Variants in SLCO2A1 observed in about 807,000 individuals in gnomAD.
The protein encoded by SLCO2A1 is solute carrier organic anion transporter family member 2A1, also known as matrin F/G 1.
Under a neutral mutation model 71.7 loss-of-function variants are expected in SLCO2A1, and 60 were observed. The observed-to-expected ratio is 0.84, with a 90% CI of 0.68 to 1.04. The LOEUF (loss-of-function observed/expected upper bound fraction) is 1.04. Among genes scored for constraint, SLCO2A1 ranks in the 50% least tolerant of loss-of-function variants. The pLI is 0.00. For synonymous variants in SLCO2A1, 308 were observed against 326.7 expected (o/e 0.94, Z 0.62); for missense variants, 745 against 813.4 (o/e 0.92, Z 1.02).
chr3:133,982,228 A>G (rs1934611338), intron 1 of SLCO2A1, among the ~76,000 whole-genome samples: 1 of 152,180 alleles, frequency 6.6e-6, no homozygotes, highest in Non-Finnish European at 1.5e-5. Flanking sequence ...CAGACCTGGG[A>G]AAGAGACAAT....
At chr3:134,000,129 G>A (rs1935073919) in intron 1 of SLCO2A1, among the ~76,000 whole-genome samples, 1 of 152,218 alleles carries the variant, frequency 6.6e-6, no homozygotes, top group African/African-American at 2.4e-5. Context: ...GCATATCTGA[G>A]TCCAAGAGAA....
chr3:133,951,311 C>T lies in SLCO2A1; in HGVS notation c.758G>A (p.Trp253Ter). ...CAGGCCTAGCCACCAGGCTCCAATC[C>T]ATCGGGGGTCACCCGGGACCAAGTT... is the stretch of plus-strand genomic sequence containing the variant. ...AVNLVPGDPR[W>*]IGAWWLGLLI... Residue 253 changes from tryptophan (W) to a stop codon, truncating the protein, a stop_gained, in exon 6 of 14, where the codon TGG becomes TAG. Transcript: ENST00000310926. LOFTEE classifies it high-confidence loss of function. The T allele has an allele frequency of 3.7e-6, 6 of 1,614,150 alleles. No homozygotes were observed. Among genetic ancestry groups the T allele is most frequent in the Non-Finnish European group, 5.1e-6 (6 of 1,180,024 alleles).
intron 1 of SLCO2A1, among the ~76,000 whole-genome samples, chr3:134,008,117 G>A (rs1385509892): frequency 6.6e-6 from 1 of 152,182 alleles, no homozygotes; most frequent in African/African-American, 2.4e-5. Flanking sequence ...CCCATACGGA[G>A]GTTCTGTATG....
intron 1 of SLCO2A1, among the ~76,000 whole-genome samples, chr3:134,028,579 T>C (rs1467575613): frequency 2.0e-5 from 3 of 152,214 alleles, no homozygotes; most frequent in African/African-American, 2.4e-5. Context: ...TCCAGATCCC[T>C]TTCTGTTGGA....
chr3:134,021,065 T>C (rs1935564955), intron 1 of SLCO2A1, among the ~76,000 whole-genome samples: 1 of 152,226 alleles, frequency 6.6e-6, no homozygotes, highest in Non-Finnish European at 1.5e-5. Context: ...TTGGATTGCT[T>C]GATACTTTGG....
chr3:134,011,478 A>G (rs1935345256), intron 1 of SLCO2A1, among the ~76,000 whole-genome samples: 1 of 152,228 alleles, frequency 6.6e-6, no homozygotes, highest in African/African-American at 2.4e-5. Context: ...CAGCGTCCTG[A>G]TATCAAGGGC....
chr3:133,989,770 C>A (rs933704680), intron 1 of SLCO2A1, among the ~76,000 whole-genome samples: 1 of 152,202 alleles, frequency 6.6e-6, no homozygotes, highest in African/African-American at 2.4e-5. Context: ...CAAAATAATA[C>A]ACTTGTTCTG....
At chr3:134,006,347 C>T (rs1054956111) in intron 1 of SLCO2A1, among the ~76,000 whole-genome samples, 2 of 152,224 alleles carry the variant, frequency 1.3e-5, no homozygotes, top group Non-Finnish European at 2.9e-5. Flanking sequence ...CCACCACTGC[C>T]TAGCCTATCT....
intron 3 of SLCO2A1, among the ~76,000 whole-genome samples, chr3:133,970,534 A>C (rs1293105262): frequency 6.6e-6 from 1 of 152,258 alleles, no homozygotes; most frequent in East Asian, 1.9e-4. Context: ...AGACTTTATA[A>C]ATATTTTTAT....
intron 9 of SLCO2A1, among the ~76,000 whole-genome samples, 165 bp from the exon 10 acceptor site, chr3:133,945,425 A>G (rs915077640): frequency 6.6e-6 from 1 of 152,164 alleles, no homozygotes; most frequent in African/African-American, 2.4e-5. Context: ...TGGAGCCAAC[A>G]GTGAATTTGC....
At chr3:133,948,372 G>T (rs1162095119) in intron 8 of SLCO2A1, among the ~76,000 whole-genome samples, 164 bp downstream of exon 8, 1 of 152,212 alleles carries the variant, frequency 6.6e-6, no homozygotes, top group African/African-American at 2.4e-5. Flanking sequence ...TTTCTAGATT[G>T]CCAACCAGGA....
chr3:133,994,076 G>A (rs1483633306), intron 1 of SLCO2A1, among the ~76,000 whole-genome samples: 4 of 152,032 alleles, frequency 2.6e-5, no homozygotes, highest in Non-Finnish European at 5.9e-5. Flanking sequence ...AGGGAAGCAT[G>A]GGGGGCATTT....
At chr3:133,995,300 C>T (rs1004884563) in intron 1 of SLCO2A1, among the ~76,000 whole-genome samples, 2 of 152,144 alleles carry the variant, frequency 1.3e-5, no homozygotes, top group African/African-American at 2.4e-5. Flanking sequence ...TGTAAAAACC[C>T]TCCAATGGAT....
At position 134,017,314 on chromosome 3, in the gene SLCO2A1, T is replaced by C. The variant is rs1329313928; in HGVS notation, c.96+12393A>G. On this transcript the variant is annotated intron_variant, in intron 1 of 13. Coordinates refer to ENST00000310926, the MANE Select transcript of SLCO2A1 (RefSeq NM_005630.3). ...TTTTCCTATGAATCTGTAATTGCTA[T>C]AAAATAAAAAGTTTTTTTTCAATTC... Among the ~76,000 whole-genome samples the C allele has an allele frequency of 4.6e-5, 7 of 152,332 alleles. No homozygotes were observed. In the East Asian group the frequency reaches 1.2e-3, roughly 25 times the overall value.
rs941055989 is a variant in SLCO2A1, at chr3:133,953,891, T to C, written c.626-130A>G. 1.3e-5 allele frequency: 9 copies of C among 691,040 alleles called. No homozygotes were observed. The African/African-American group carries it at 1.4e-4, about 11-fold the overall frequency. 42.8% of individuals were successfully genotyped at this position (691,040 alleles called of 1,614,324 possible). A position where few individuals can be genotyped will look rare whatever the true frequency, so the allele number is the denominator to read the frequency against. On this transcript the variant is annotated intron_variant, in intron 4 of 13. Coordinates refer to ENST00000310926, the MANE Select transcript of SLCO2A1 (RefSeq NM_005630.3). ...CCCAAGCCTGATAAGCCCACACCTG[T>C]GGCATCTCCCACCAGCAAGGCCAGA...
At chr3:133,957,961 A>G (rs1420259900) in intron 3 of SLCO2A1, among the ~76,000 whole-genome samples, 1 of 152,194 alleles carries the variant, frequency 6.6e-6, no homozygotes, top group Non-Finnish European at 1.5e-5. Context: ...TGCCAGTCCC[A>G]CACCAGGTCT....
intron 8 of SLCO2A1, 32 bp from the exon 9 acceptor site, chr3:133,947,477 G>T: frequency 6.3e-7 from 1 of 1,575,002 alleles, no homozygotes. Context: ...TGATCCAGGT[G>T]CACAGGCCTG....
intron 3 of SLCO2A1, among the ~76,000 whole-genome samples, chr3:133,968,326 CCCCT>C (rs1934237324): frequency 6.6e-6 from 1 of 152,002 alleles, no homozygotes. Flanking sequence ...ACCACGGGTG[CCCCT>C]CTCATTCCTC....
At chr3:133,990,228 C>A (rs1934809289) in intron 1 of SLCO2A1, among the ~76,000 whole-genome samples, 1 of 152,238 alleles carries the variant, frequency 6.6e-6, no homozygotes, top group Admixed American at 6.5e-5. Flanking sequence ...CACTGTCCAC[C>A]CTGCTGAAAT....
Sources: allele counts gnomAD v4.1 joint callset (sites outside exome capture counted in the v4.1 genomes callset), GRCh38; gene constraint gnomAD v4.1.1; transcripts MANE v1.5; gene names NCBI Gene and HGNC (gene_info 2026-07-23, HGNC 2026-07-21).